EPAS1: variants seen among roughly 807,000 people sequenced by gnomAD.
The protein encoded by EPAS1 is endothelial PAS domain-containing protein 1.
In EPAS1, 23 loss-of-function variants were observed where a neutral mutation model predicts 87.9. The observed-to-expected ratio is 0.26, with a 90% confidence interval of 0.19 to 0.37. EPAS1 has a LOEUF of 0.37. Ranked by LOEUF, EPAS1 falls within the 10% of genes least tolerant of loss-of-function variation. The pLI is 1.00. For missense variants in EPAS1, 1,138 were observed against 1,120.7 expected (o/e 1.02, Z -0.22); for synonymous variants, 508 against 444.3 (o/e 1.14, Z -1.80).
intron 15 of EPAS1, among the ~76,000 whole-genome samples, chr2:46,384,076 A>G (rs902637196): frequency 1.3e-5 from 2 of 152,192 alleles, no homozygotes; most frequent in Non-Finnish European, 2.9e-5. Flanking sequence ...AGGACTGCTG[A>G]GGGTGGTGAC....
At position 46,360,595 on chromosome 2, in the gene EPAS1, T is replaced by G. The variant is rs1684365443; in HGVS notation, c.455-43T>G. 6 of 1,566,340 alleles carry G rather than the reference T, an allele frequency of 3.8e-6. No individual in the cohort carries two copies. Among genetic ancestry groups the G allele is most frequent in the Middle Eastern group, 1.7e-4 (1 of 6,002 alleles). On this transcript the variant is annotated intron_variant, in intron 4 of 15. Coordinates refer to ENST00000263734, the MANE Select transcript of EPAS1 (RefSeq NM_001430.5). The surrounding 1 kb of genome is among the most constrained non-coding windows in gnomAD (Gnocchi z 4.5). Reference sequence around the variant, plus strand: ...TGGGCCCCTCTCATGAATATCCATATAAAACTGACTTCAGCTGGTTCTTCC... The same window carrying G: ...TGGGCCCCTCTCATGAATATCCATAGAAAACTGACTTCAGCTGGTTCTTCC...
chr2:46,356,668 G>A, intron 3 of EPAS1, 56 bp from the exon 4 acceptor site: 2 of 1,377,722 alleles, frequency 1.5e-6, no homozygotes, highest in South Asian at 2.3e-5. Context: ...GCTTACTCTT[G>A]GAGTCTTTTA....
intron 1 of EPAS1, among the ~76,000 whole-genome samples, chr2:46,299,385 G>A (rs1270147387): frequency 2.6e-5 from 4 of 152,180 alleles, no homozygotes; most frequent in African/African-American, 7.2e-5. Context: ...CAAGACAAGT[G>A]AGGGAGCCCT....
chr2:46,307,824 C>T (rs895264830), intron 1 of EPAS1, among the ~76,000 whole-genome samples: 5 of 152,188 alleles, frequency 3.3e-5, no homozygotes, highest in Non-Finnish European at 7.3e-5. Flanking sequence ...TTTTAGGCCT[C>T]CTCAGCGGGA....
chr2:46,340,136 C>G lies in EPAS1; in HGVS notation c.27-6737C>G, dbSNP rs182435364. ...GGGGAGTCCACGTGTCCTCCGGTTA[C>G]GTAAGGAGCTGGGTTATCTGGAGCC... On this transcript the variant is annotated intron_variant, in intron 1 of 15. Coordinates refer to ENST00000263734, the MANE Select transcript of EPAS1 (RefSeq NM_001430.5). Among the ~76,000 whole-genome samples the G allele has an allele frequency of 2.4e-3, 366 of 152,236 alleles. 3 individuals carry two copies. The highest frequency in any genetic ancestry group is 3.7e-3 in the Non-Finnish European group (249 of 67,996).
At chr2:46,313,420 C>A (rs1351798160) in intron 1 of EPAS1, among the ~76,000 whole-genome samples, 1 of 151,308 alleles carries the variant, frequency 6.6e-6, no homozygotes, top group Non-Finnish European at 1.5e-5. Context: ...TTTGTTTTAG[C>A]AGTACTTCCC....
In EPAS1 at chr2:46,384,921, C is replaced by T. The variant is rs762856319; in HGVS notation, c.*261C>T. The T allele has an allele frequency of 3.5e-5, 18 of 512,010 alleles. No individual in the cohort carries two copies. The highest frequency in any genetic ancestry group is 2.9e-4 in the African/African-American group (15 of 51,914). 31.7% of individuals were successfully genotyped at this position (512,010 alleles called of 1,614,324 possible). A position where few individuals can be genotyped will look rare whatever the true frequency, so the allele number is the denominator to read the frequency against. ...GTAGGATTTTTTTCCTCCCCACCTT[C>T]AATGACTTCTAATTTATATTATCCA... On this transcript the variant is annotated 3_prime_UTR_variant, in exon 16 of 16. Coordinates refer to ENST00000263734, the MANE Select transcript of EPAS1 (RefSeq NM_001430.5).
At chr2:46,350,023 T>C (rs10199201) in intron 2 of EPAS1, among the ~76,000 whole-genome samples, 32,643 of 152,172 alleles carry the variant, frequency 0.21, 3,736 homozygotes, top group Admixed American at 0.28. Context: ...ATAACAGATA[T>C]AAAAGGCCTT....
At chr2:46,370,633 A>G (rs146644430) in intron 7 of EPAS1, among the ~76,000 whole-genome samples, 6 of 152,356 alleles carry the variant, frequency 3.9e-5, no homozygotes, top group Non-Finnish European at 8.8e-5. Flanking sequence ...AACTTTCTGC[A>G]GTGGAAATGT....
intron 1 of EPAS1, among the ~76,000 whole-genome samples, chr2:46,330,510 C>G (rs1277166329): frequency 6.6e-6 from 1 of 152,208 alleles, no homozygotes; most frequent in Non-Finnish European, 1.5e-5. Context: ...CAGAAGTTCT[C>G]TAGAATTGGC....
At chr2:46,363,332 A>G (rs184494109) in intron 6 of EPAS1, among the ~76,000 whole-genome samples, 36 of 152,310 alleles carry the variant, frequency 2.4e-4, no homozygotes, top group Admixed American at 5.2e-4. Flanking sequence ...GCACATCCGT[A>G]ACATAACTCC....
rs950687557 is a variant in EPAS1, at chr2:46,371,613, A to G, written c.886+1680A>G. 6.6e-6 allele frequency among the ~76,000 whole-genome samples: 1 copy of G among 152,134 alleles called. No homozygotes were observed. The stretch of plus-strand genomic sequence containing the variant: ...CCTGCCCAAGCTTTGAAATTGTAAC[A>G]TCTGGTTCCAGCCTTCCCTTTGGGA... On this transcript the variant is annotated intron_variant, in intron 7 of 15. Transcript: ENST00000263734. This position sits in a 1 kb window ranked among gnomAD's most constrained non-coding sequence, Gnocchi z 4.3.
At chr2:46,350,030 C>A (rs145462732) in intron 2 of EPAS1, among the ~76,000 whole-genome samples, 1 of 152,276 alleles carries the variant, frequency 6.6e-6, no homozygotes, top group Non-Finnish European at 1.5e-5. Context: ...ATATAAAAGG[C>A]CTTATCCTCT....
chr2:46,321,610 T>G (rs543461711), intron 1 of EPAS1, among the ~76,000 whole-genome samples: 50 of 152,294 alleles, frequency 3.3e-4, no homozygotes, highest in African/African-American at 1.0e-3. Context: ...TGGTATCTCA[T>G]TGTGGCTTTG....
At chr2:46,358,980 G>C (rs1200922841) in intron 4 of EPAS1, among the ~76,000 whole-genome samples, 1 of 152,070 alleles carries the variant, frequency 6.6e-6, no homozygotes, top group Non-Finnish European at 1.5e-5. Context: ...AATGAACAAG[G>C]CCAGGCACGG....
chr2:46,378,258 T>C (rs1239326175), intron 10 of EPAS1, among the ~76,000 whole-genome samples, 171 bp downstream of exon 10: 1 of 152,236 alleles, frequency 6.6e-6, no homozygotes, highest in East Asian at 1.9e-4. Flanking sequence ...TTCTTCCTTT[T>C]AGTGTTCATC....
chr2:46,350,118 T>A (rs1460449170), intron 2 of EPAS1, among the ~76,000 whole-genome samples: 1 of 152,252 alleles, frequency 6.6e-6, no homozygotes, highest in African/African-American at 2.4e-5. Flanking sequence ...TTGATTTATA[T>A]TAAATATAGG....
rs138633485 is a variant in EPAS1 at position 46,380,191 on chromosome 2, C to T, written c.1555-36C>T. The T allele has an allele frequency of 5.0e-6, 8 of 1,603,102 alleles. No individual in the cohort carries two copies. The highest frequency in any genetic ancestry group is 1.1e-5 in the South Asian group (1 of 91,088). ...AATAGTGTTTGTGAGGTCGTACCAA[C>T]CCCCTTGCCTCTTTGCCGGTGCTGT... On this transcript the variant is annotated intron_variant, in intron 11 of 15. Coordinates refer to ENST00000263734, the MANE Select transcript of EPAS1 (RefSeq NM_001430.5). This position sits in a 1 kb window ranked among gnomAD's most constrained non-coding sequence, Gnocchi z 4.4.
chr2:46,307,730 C>T (rs1038114314), intron 1 of EPAS1, among the ~76,000 whole-genome samples: 5 of 152,138 alleles, frequency 3.3e-5, no homozygotes, highest in East Asian at 3.9e-4. Context: ...ATTTCCCTGC[C>T]GACTGACTGG....
Sources: gnomAD v4.1 joint callset for allele counts (sites outside exome capture counted in the v4.1 genomes callset) on GRCh38, gnomAD v4.1.1 for gene constraint, Gnocchi (gnomAD v3.1) non-coding constraint, MANE v1.5 for transcripts, NCBI Gene and HGNC (gene_info 2026-07-23, HGNC 2026-07-21) for gene names.